MYOF: variants seen among roughly 807,000 people sequenced by gnomAD.
The protein encoded by MYOF is fer-1-like 3, myoferlin.
A neutral mutation model predicts 284.2 loss-of-function variants in MYOF; 244 were observed. The ratio of observed to expected loss-of-function variants is 0.86; its 90% CI spans 0.77 to 0.95. The LOEUF is 0.95. Among genes scored for constraint, MYOF ranks in the 40% least tolerant of loss-of-function variants. The pLI is 0.00. For missense variants in MYOF, 2,496 were observed against 2,560.6 expected (o/e 0.97, Z 0.54); for synonymous variants, 904 against 919.7 (o/e 0.98, Z 0.31).
intron 10 of MYOF, 112 bp downstream of exon 10, chr10:93,402,746 TCC>T: frequency 1.1e-6 from 1 of 919,838 alleles, no homozygotes; most frequent in South Asian, 1.9e-5. Context: ...TTTAAAAAAT[TCC>T]TTTAACTTTA....
chr10:93,326,513 A>G (rs1017589881), intron 45 of MYOF, among the ~76,000 whole-genome samples: 7 of 152,178 alleles, frequency 4.6e-5, no homozygotes, highest in East Asian at 1.9e-4. Context: ...GAAGACAGCT[A>G]CCCACCTGGA....
chr10:93,359,710 C>A, intron 29 of MYOF, 123 bp downstream of exon 29: 2 of 1,328,188 alleles, frequency 1.5e-6, no homozygotes, highest in African/African-American at 1.5e-5. Context: ...TTTGAGAACC[C>A]TTGAGTGGAG....
At chr10:93,480,676 A>T (rs2057368071) in intron 1 of MYOF, among the ~76,000 whole-genome samples, 1 of 151,790 alleles carries the variant, frequency 6.6e-6, no homozygotes. Flanking sequence ...GGGTTTTGCC[A>T]TGTTGGCCTG....
Position 93,323,288 on chromosome 10 carries a change from G to GTGAT in MYOF, c.5338_5341dup (p.Thr1781AsnfsTer35), listed in dbSNP as rs866978629. On this transcript the variant is annotated frameshift_variant, in exon 47 of 54. Coordinates refer to ENST00000359263, the MANE Select transcript of MYOF (RefSeq NM_013451.4). LOFTEE classifies it high-confidence loss of function. ...GACTTACTTCTTGGCTTTCCGGGGT[G>GTGAT]TGATGTTGAAAGGAGGGCCTGGTGG... 1.2e-6 allele frequency: 2 copies of GTGAT among 1,614,018 alleles called. No homozygotes were observed. Among genetic ancestry groups the GTGAT allele is most frequent in the African/African-American group, 1.3e-5 (1 of 74,938 alleles).
intron 22 of MYOF, among the ~76,000 whole-genome samples, chr10:93,376,210 TTC>T (rs1845828311): frequency 6.6e-6 from 1 of 152,216 alleles, no homozygotes; most frequent in African/African-American, 2.4e-5. Context: ...TACCAAATGT[TTC>T]TGTTTGGTTT....
chr10:93,478,840 A>AAGAAAGAAAGAAAG lies in MYOF; in HGVS notation c.88+3266_88+3267insCTTTCTTTCTTTCT, dbSNP rs10666333. Among the ~76,000 whole-genome samples, 94 of 78,076 alleles carry AAGAAAGAAAGAAAG rather than the reference A, an allele frequency of 1.2e-3. 1 individual carries two copies. The highest frequency in any genetic ancestry group is 4.8e-3 in the African/African-American group (94 of 19,526). The allele number at this position is 78,076 out of a possible 152,430, so 51.2% of individuals were successfully genotyped here. On this transcript the variant is annotated intron_variant, in intron 1 of 53. Transcript: ENST00000359263. ...GAAACAGTCTCAAAAAAAAAAAAAA[A>AAGAAAGAAAGAAAG]AAAGAAAGAAAGAAAGAAAGGGTTT... is the stretch of plus-strand genomic sequence containing the variant.
intron 23 of MYOF, among the ~76,000 whole-genome samples, chr10:93,373,343 ACTCTT>A (rs1173022205): frequency 6.6e-6 from 1 of 151,916 alleles, no homozygotes; most frequent in East Asian, 1.9e-4. Context: ...AGTCCCTCCT[ACTCTT>A]CTCTGGGAGG....
At chr10:93,389,824 T>C (rs1208326117) in intron 17 of MYOF, among the ~76,000 whole-genome samples, 1 of 151,980 alleles carries the variant, frequency 6.6e-6, no homozygotes, top group East Asian at 1.9e-4. Context: ...TAGCTGAAAA[T>C]GGGGAAACTG....
At chr10:93,430,469 C>T (rs1848792516) in intron 4 of MYOF, among the ~76,000 whole-genome samples, 1 of 151,434 alleles carries the variant, frequency 6.6e-6, no homozygotes, top group African/African-American at 2.4e-5. Context: ...ATAATCCCAG[C>T]TACTCAGGAG....
At chr10:93,474,388 T>C (rs996523217) in intron 1 of MYOF, among the ~76,000 whole-genome samples, 2 of 152,202 alleles carry the variant, frequency 1.3e-5, no homozygotes, top group African/African-American at 4.8e-5. Flanking sequence ...ATGTCTTTTT[T>C]CCATTATTTC....
chr10:93,319,367 G>T (rs1009072833), intron 49 of MYOF, among the ~76,000 whole-genome samples: 3 of 152,152 alleles, frequency 2.0e-5, no homozygotes, highest in African/African-American at 7.2e-5. Flanking sequence ...CGTTTTTCTG[G>T]TGTCAGCCAG....
chr10:93,311,786 G>A (rs1297744240), intron 51 of MYOF, among the ~76,000 whole-genome samples: 1 of 152,180 alleles, frequency 6.6e-6, no homozygotes, highest in Non-Finnish European at 1.5e-5. Context: ...TTCTGACTTT[G>A]GCAAGTTGCT....
At chr10:93,469,279 T>C (rs1190258255) in intron 1 of MYOF, among the ~76,000 whole-genome samples, 1 of 152,084 alleles carries the variant, frequency 6.6e-6, no homozygotes, top group African/African-American at 2.4e-5. Flanking sequence ...TGCACTCCTG[T>C]AGTCCCAGCT....
At chr10:93,399,557 T>A in intron 12 of MYOF, 62 bp from the exon 13 acceptor site, 1 of 1,215,142 alleles carries the variant, frequency 8.2e-7, no homozygotes, top group Non-Finnish European at 1.2e-6. Context: ...GGCAAAATTT[T>A]AAAAGTTCTC....
rs577486001 is a variant in MYOF at position 93,447,001 on chromosome 10, G to A, written c.236+5049C>T. ...CAAAGTGCTGACATCACAGGCATGA[G>A]CCACCACACCCAGCCTCGTTTGGTC... is the stretch of plus-strand genomic sequence containing the variant. On this transcript the variant is annotated intron_variant, in intron 3 of 53. Transcript: ENST00000359263. 5.2e-4 allele frequency among the ~76,000 whole-genome samples: 79 copies of A among 152,262 alleles called. 1 individual carries two copies. Among genetic ancestry groups the A allele is most frequent in the Admixed American group, 1.6e-3 (25 of 15,284 alleles).
intron 39 of MYOF, among the ~76,000 whole-genome samples, chr10:93,339,293 G>T (rs1843766134): frequency 6.6e-6 from 1 of 151,950 alleles, no homozygotes; most frequent in South Asian, 2.1e-4. Flanking sequence ...TTACAGGCGT[G>T]AGCCACCACT....
chr10:93,462,914 C>T (rs1005620719), intron 1 of MYOF, among the ~76,000 whole-genome samples: 51 of 152,194 alleles, frequency 3.4e-4, no homozygotes, highest in African/African-American at 1.1e-3. Context: ...ATTACCTACC[C>T]CCCAACCTGG....
At chr10:93,399,765 G>A (rs900732729) in intron 12 of MYOF, among the ~76,000 whole-genome samples, 2 of 152,150 alleles carry the variant, frequency 1.3e-5, no homozygotes, top group East Asian at 1.9e-4. Context: ...CCAGCTACTC[G>A]GGAGGCTGAG....
chr10:93,310,128 G>T lies in MYOF; in HGVS notation c.6039C>A (p.Cys2013Ter). Residue 2013 changes from cysteine (C) to a stop codon, truncating the protein, a stop_gained, in exon 53 of 54, where the codon TGC (cysteine) becomes TGA (stop). Coordinates refer to ENST00000359263, the MANE Select transcript of MYOF (RefSeq NM_013451.4). LOFTEE classifies it high-confidence loss of function. Reference protein sequence around the residue: ...ETSFLWFTNPCKTMKFIVWRR... With the variant: ...ETSFLWFTNP ...GCCACACGATGAACTTCATGGTCTT[G>T]CATGGGTTGGTGAACCAGAGGAAGG... is the stretch of plus-strand genomic sequence containing the variant. 6.2e-7 allele frequency: 1 copy of T among 1,614,194 alleles called. No homozygotes were observed. Among genetic ancestry groups the T allele is most frequent in the Non-Finnish European group, 8.5e-7 (1 of 1,180,034 alleles).
Sources: allele counts gnomAD v4.1 joint callset (sites outside exome capture counted in the v4.1 genomes callset), GRCh38; gene constraint gnomAD v4.1.1; transcripts MANE v1.5; gene names NCBI Gene and HGNC (gene_info 2026-07-23, HGNC 2026-07-21).